ABCC1: variants seen among roughly 807,000 people sequenced by gnomAD.
The protein encoded by ABCC1 is ATP binding cassette subfamily C member 1 (ABCC1 blood group), also known as multidrug resistance-associated protein 1.
In ABCC1, 83 loss-of-function variants were observed where a neutral mutation model predicts 172.9. That is an observed-to-expected ratio of 0.48 (90% confidence interval 0.40 to 0.58). ABCC1 has a LOEUF of 0.58. ABCC1 is among the 20% of genes least tolerant of loss of function. ABCC1 has a pLI of 0.00. For missense variants in ABCC1, 1,817 were observed against 2,002.7 expected, an observed-to-expected ratio of 0.91 and a Z score of 1.77; for synonymous variants, 937 against 825.2, an observed-to-expected ratio of 1.14 and a Z score of -2.32.
chr16:16,054,952 A>T (rs771848868), intron 11 of ABCC1, among the ~76,000 whole-genome samples: 1 of 152,210 alleles, frequency 6.6e-6, no homozygotes, highest in Non-Finnish European at 1.5e-5. Context: ...ACCATGGGCC[A>T]GGCACAGGGG....
intron 10 of ABCC1, 99 bp from the exon 11 acceptor site, chr16:16,052,625 T>C: frequency 8.7e-7 from 1 of 1,151,624 alleles, no homozygotes; most frequent in African/African-American, 1.5e-5. Flanking sequence ...CTGAACTTGG[T>C]CAGCAGCATC....
rs2045863506 is a variant in ABCC1, at chr16:16,134,969, T to C, written c.4125+461T>C. ...CATTGTTTTTATTGAAGTTAGGCTG[T>C]GCTGCTGCTTCCCTGAATTTCCTCT... is the stretch of plus-strand genomic sequence containing the variant. On this transcript the variant is annotated intron_variant, in intron 28 of 30. Coordinates refer to ENST00000399410, the MANE Select transcript of ABCC1 (RefSeq NM_004996.4). Among the ~76,000 whole-genome samples, 4 of 152,282 alleles carry C rather than the reference T, an allele frequency of 2.6e-5. No individual in the cohort carries two copies. In the East Asian group the frequency reaches 7.7e-4, roughly 29 times the overall value.
In ABCC1 at chr16:16,090,610, C is replaced by T; in HGVS notation, c.2644+22C>T. 1.9e-6 allele frequency: 3 copies of T among 1,551,670 alleles called. No individual in the cohort carries two copies. The South Asian group carries it at 3.6e-5, about 18-fold the overall frequency. On this transcript the variant is annotated intron_variant, in intron 19 of 30. Transcript: ENST00000399410. Reference sequence around the variant, plus strand: ...AACGGTAGGGGCAGCCCCAGGGTTCCACCCACTCAGGGTGTCTGGCACCTT... The same window carrying T: ...AACGGTAGGGGCAGCCCCAGGGTTCTACCCACTCAGGGTGTCTGGCACCTT...
rs539201311 is a variant in ABCC1 at position 16,040,159 on chromosome 16, G to A, written c.809+3556G>A. 2.0e-5 allele frequency among the ~76,000 whole-genome samples: 3 copies of A among 152,170 alleles called. No homozygotes were observed. In the South Asian group the frequency reaches 6.2e-4, roughly 32 times the overall value. On this transcript the variant is annotated intron_variant, in intron 7 of 30. Transcript: ENST00000399410. ...TGCTCAGGCTGGATGGCAGTGGCAT[G>A]ATAACAGCTCATTGCAGCCTGGAAA...
chr16:16,128,638 G>A (rs879786882), intron 26 of ABCC1, among the ~76,000 whole-genome samples: 19 of 152,116 alleles, frequency 1.2e-4, no homozygotes, highest in Non-Finnish European at 2.1e-4. Context: ...TGTTGTTATA[G>A]CATCTCCCCT....
At chr16:15,957,533 T>C (rs1280378077) in intron 1 of ABCC1, among the ~76,000 whole-genome samples, 1 of 152,196 alleles carries the variant, frequency 6.6e-6, no homozygotes, top group Non-Finnish European at 1.5e-5. Flanking sequence ...AGGGGTTAGA[T>C]ATAGCTCACC....
At chr16:15,973,373 C>T (rs1046719355) in intron 1 of ABCC1, among the ~76,000 whole-genome samples, 7 of 152,102 alleles carry the variant, frequency 4.6e-5, no homozygotes, top group East Asian at 1.9e-4. Flanking sequence ...AGGGAGCGCA[C>T]GCCTAGAGTC....
intron 17 of ABCC1, 74 bp downstream of exon 17, chr16:16,083,616 T>G: frequency 6.4e-7 from 1 of 1,550,946 alleles, no homozygotes; most frequent in Non-Finnish European, 8.8e-7. Flanking sequence ...ACAATCTCAG[T>G]GGGCTGTGAG....
chr16:16,019,725 T>G (rs1200658522), intron 5 of ABCC1, among the ~76,000 whole-genome samples: 1 of 152,208 alleles, frequency 6.6e-6, no homozygotes, highest in Non-Finnish European at 1.5e-5. Context: ...TTGTGCTTTC[T>G]GCATTCCTGG....
intron 1 of ABCC1, among the ~76,000 whole-genome samples, chr16:15,985,410 C>T (rs2046720403): frequency 6.6e-6 from 1 of 152,094 alleles, no homozygotes; most frequent in Non-Finnish European, 1.5e-5. Flanking sequence ...TCCCCACCAG[C>T]TCTATTTTTG....
At chr16:16,096,546 C>G (rs924621032) in intron 19 of ABCC1, among the ~76,000 whole-genome samples, 1 of 152,148 alleles carries the variant, frequency 6.6e-6, no homozygotes, top group African/African-American at 2.4e-5. Context: ...CGGATTTCTT[C>G]CTCTTTTGAG....
At position 15,949,791 on chromosome 16, in the gene ABCC1, C is replaced by T; in HGVS notation, c.40C>T (p.Pro14Ser). 1 of 1,197,424 alleles carries T rather than the reference C, an allele frequency of 8.4e-7. No individual in the cohort carries two copies. Among genetic ancestry groups the T allele is most frequent in the Non-Finnish European group, 1.0e-6 (1 of 965,710 alleles). 74.2% of individuals were successfully genotyped at this position (1,197,424 alleles called of 1,614,324 possible). ...CTTCTGCAGCGCCGATGGCTCCGACCCGCTCTGGGTACGTGCCGGGGGCCG... is the reference window on the plus strand; with the variant it reads ...CTTCTGCAGCGCCGATGGCTCCGACTCGCTCTGGGTACGTGCCGGGGGCCG... ...RGFCSADGSD[P>S]LWDWNVTWNT... is the part of the protein sequence containing the mutation. Residue 14 changes from proline to serine, a missense_variant, in exon 1 of 31, where the codon CCG becomes TCG. By Grantham distance (74) the Pro-to-Ser change is moderately conservative (BLOSUM62 -1). This residue lies in a region of ABCC1 where 398 missense variants were observed against 384.2 expected (regional missense o/e 1.04). Coordinates refer to ENST00000399410, the MANE Select transcript of ABCC1 (RefSeq NM_004996.4).
intron 1 of ABCC1, among the ~76,000 whole-genome samples, chr16:15,975,281 G>T (rs1262303861): frequency 1.3e-5 from 2 of 152,174 alleles, no homozygotes; most frequent in African/African-American, 4.8e-5. Context: ...TGACAGCAGG[G>T]TCATTTTTTA....
chr16:16,034,572 T>C (rs1330512873), intron 6 of ABCC1, among the ~76,000 whole-genome samples: 1 of 149,986 alleles, frequency 6.7e-6, no homozygotes, highest in Non-Finnish European at 1.5e-5. Context: ...GTAGAGGCTG[T>C]ATGTTAACTT....
intron 3 of ABCC1, among the ~76,000 whole-genome samples, chr16:16,012,525 G>A (rs1290887414): frequency 2.1e-4 from 31 of 150,246 alleles, no homozygotes; most frequent in Admixed American, 6.6e-5. Context: ...AATAGAGACA[G>A]GGTCTTTCCA....
Position 15,995,465 on chromosome 16 carries a change from C to A in ABCC1, c.49-12351C>A, listed in dbSNP as rs556442787. 1.8e-4 allele frequency among the ~76,000 whole-genome samples: 27 copies of A among 152,250 alleles called. No individual in the cohort carries two copies. In the South Asian group the frequency reaches 5.6e-3, roughly 32 times the overall value. The stretch of plus-strand genomic sequence containing the variant: ...CTGCCCACCCACCATTATGCTTCAC[C>A]CACTTTCTTCTTCTTCAAGCCATTT... On this transcript the variant is annotated intron_variant, in intron 1 of 30. Transcript: ENST00000399410.
intron 30 of ABCC1, among the ~76,000 whole-genome samples, chr16:16,139,565 T>A (rs1025015944): frequency 5.3e-4 from 66 of 125,308 alleles, no homozygotes; most frequent in Non-Finnish European, 7.9e-4. Flanking sequence ...TGAGCTGAGA[T>A]TGTGCCACTG....
At chr16:16,055,319 G>T (rs1324741815) in intron 11 of ABCC1, among the ~76,000 whole-genome samples, 1 of 151,818 alleles carries the variant, frequency 6.6e-6, no homozygotes, top group Non-Finnish European at 1.5e-5. Context: ...CTGGTAGGCC[G>T]AGGTTGGATC....
At position 16,045,938 on chromosome 16, in the gene ABCC1, G is replaced by T. The variant is rs546624378; in HGVS notation, c.1143G>T (p.Leu381=). The T allele has an allele frequency of 6.2e-7, 1 of 1,614,186 alleles. No homozygotes were observed. Among genetic ancestry groups the T allele is most frequent in the Non-Finnish European group, 8.5e-7 (1 of 1,180,040 alleles). ...FVTACLQTLV[L]HQYFHICFVS... ...CTGCCTGCCTGCAGACCCTCGTGCT[G>T]CACCAGTACTTCCACATCTGCTTCG... Residue 381 remains leucine, a synonymous_variant, in exon 9 of 31, where the codon CTG becomes CTT. Coordinates refer to ENST00000399410, the MANE Select transcript of ABCC1 (RefSeq NM_004996.4).
Sources: allele counts gnomAD v4.1 joint callset (sites outside exome capture counted in the v4.1 genomes callset), GRCh38; gene constraint gnomAD v4.1.1; regional missense constraint gnomAD v4.1.1; transcripts MANE v1.5; gene names NCBI Gene and HGNC (gene_info 2026-07-23, HGNC 2026-07-21).